Variants in BACH2 observed in about 807,000 individuals in gnomAD.
The protein encoded by BACH2 is transcription regulator protein BACH2.
In BACH2, 5 loss-of-function variants were observed where a neutral mutation model predicts 61.8. The observed-to-expected ratio is 0.08, with a 90% CI of 0.04 to 0.17. The LOEUF (loss-of-function observed/expected upper bound fraction) is 0.17, where lower values mean the gene tolerates loss of function less well. Among genes scored for constraint, BACH2 ranks in the 10% least tolerant of loss-of-function variants. The pLI is 1.00. For synonymous variants in BACH2, 446 were observed against 440.1 expected, an observed-to-expected ratio of 1.01 and a Z score of -0.17; for missense variants, 824 against 1,091.1, an observed-to-expected ratio of 0.76 and a Z score of 3.45.
chr6:89,995,428 A>T (rs1267016391), intron 6 of BACH2, among the ~76,000 whole-genome samples: 2 of 152,158 alleles, frequency 1.3e-5, no homozygotes, highest in African/African-American at 4.8e-5. Flanking sequence ...AGCGAAGGGT[A>T]TTGTATTTCA....
chr6:90,005,339 G>C (rs1409447275), intron 6 of BACH2, among the ~76,000 whole-genome samples: 1 of 151,852 alleles, frequency 6.6e-6, no homozygotes, highest in Non-Finnish European at 1.5e-5. Context: ...ATGTGACTAA[G>C]AGGAGGGCAG....
In BACH2 at chr6:89,951,343, T is replaced by C; in HGVS notation, c.763A>G (p.Ser255Gly). ...ASSHSTSGFA[S>G]TFREDNSSNS... is the part of the protein sequence containing the mutation. ...CTAGAGTTATCTTCCCGGAATGTGCTTGCAAAACCTGAGGTACTGTGTGAT... is the reference window on the plus strand; with the variant it reads ...CTAGAGTTATCTTCCCGGAATGTGCCTGCAAAACCTGAGGTACTGTGTGAT... The change falls in exon 7 of 9, where the codon AGC becomes GGC. Residue 255 changes from serine to glycine, a missense_variant. By Grantham distance (56) the Ser-to-Gly change is moderately conservative. Transcript: ENST00000257749. This position sits in a 1 kb window ranked among gnomAD's most constrained non-coding sequence, Gnocchi z 6.4. 1 of 1,614,238 alleles carries C rather than the reference T, an allele frequency of 6.2e-7. No homozygotes were observed. The highest frequency in any genetic ancestry group is 8.5e-7 in the Non-Finnish European group (1 of 1,180,042).
chr6:90,253,725 C>T (rs774300496), intron 2 of BACH2, among the ~76,000 whole-genome samples: 2 of 152,104 alleles, frequency 1.3e-5, no homozygotes, highest in Non-Finnish European at 2.9e-5. Context: ...TAATATACCT[C>T]GTGGAAGAAT....
intron 5 of BACH2, among the ~76,000 whole-genome samples, chr6:90,016,381 C>T (rs946242245): frequency 6.6e-6 from 1 of 152,022 alleles, no homozygotes; most frequent in African/African-American, 2.4e-5. Flanking sequence ...TTTTATGATT[C>T]AATTTCATTT....
At chr6:90,128,307 G>A (rs1461827072) in intron 4 of BACH2, among the ~76,000 whole-genome samples, 1 of 152,160 alleles carries the variant, frequency 6.6e-6, no homozygotes, top group East Asian at 1.9e-4. Flanking sequence ...TATAGGCCAG[G>A]CGCCGTGGCT....
At chr6:90,187,855 A>G (rs1029217443) in intron 4 of BACH2, among the ~76,000 whole-genome samples, 2 of 152,242 alleles carry the variant, frequency 1.3e-5, no homozygotes, top group African/African-American at 4.8e-5. Context: ...TTTTAAGTAC[A>G]TTTTAGATAG....
intron 3 of BACH2, among the ~76,000 whole-genome samples, chr6:90,245,968 G>T (rs1182672113): frequency 6.6e-6 from 1 of 152,182 alleles, no homozygotes; most frequent in African/African-American, 2.4e-5. Flanking sequence ...AGCACAAAGG[G>T]GTGGAAAGGA....
intron 1 of BACH2, among the ~76,000 whole-genome samples, chr6:90,296,171 C>G (rs908741254): frequency 6.6e-6 from 1 of 152,118 alleles, no homozygotes; most frequent in East Asian, 1.9e-4. Flanking sequence ...CCTCCCTCTG[C>G]TGTTCCAAAA....
At chr6:90,138,480 C>CA (rs1258981416) in intron 4 of BACH2, among the ~76,000 whole-genome samples, 12 of 151,832 alleles carry the variant, frequency 7.9e-5, no homozygotes, top group Admixed American at 4.6e-4. Context: ...GCCTGGGTGA[C>CA]AGAGTGAGAT....
At chr6:90,177,012 TTAATA>T (rs1768004643) in intron 4 of BACH2, among the ~76,000 whole-genome samples, 1 of 152,180 alleles carries the variant, frequency 6.6e-6, no homozygotes, top group Admixed American at 6.5e-5. Context: ...ATATGTTAAT[TTAATA>T]TGTTAATATT....
In BACH2 at chr6:90,265,906, T is replaced by C. The variant is rs920343268; in HGVS notation, c.-353+5943A>G. The stretch of plus-strand genomic sequence containing the variant: ...CATGGTACTGTAACAGTGCTCTCTA[T>C]ACATTATCCCATGTAACTATCTCTA... On this transcript the variant is annotated intron_variant, in intron 2 of 8. Transcript: ENST00000257749. Among the ~76,000 whole-genome samples the C allele has an allele frequency of 3.7e-4, 56 of 152,350 alleles. 1 individual carries two copies. Among genetic ancestry groups the C allele is most frequent in the African/African-American group, 1.3e-3 (55 of 41,578 alleles).
Position 89,951,951 on chromosome 6 carries a change from G to A in BACH2, c.244-89C>T. ...AACTGAAGCAAGATAACCAGACAGT[G>A]CTAATGTCCCAGAATAAAGACTGCA... On this transcript the variant is annotated intron_variant, in intron 6 of 8. Transcript: ENST00000257749. The surrounding 1 kb of genome is among the most constrained non-coding windows in gnomAD (Gnocchi z 6.4). 1.4e-6 allele frequency: 2 copies of A among 1,449,862 alleles called. No individual in the cohort carries two copies. Among genetic ancestry groups the A allele is most frequent in the East Asian group, 2.3e-5 (1 of 43,276 alleles). 89.8% of individuals were successfully genotyped at this position (1,449,862 alleles called of 1,614,324 possible). A position where few individuals can be genotyped will look rare whatever the true frequency, so the allele number is the denominator to read the frequency against.
chr6:90,170,894 T>C (rs1723580315), intron 4 of BACH2, among the ~76,000 whole-genome samples: 1 of 152,028 alleles, frequency 6.6e-6, no homozygotes. Context: ...AATTAGAACC[T>C]AGAGAAGTAA....
chr6:89,950,062 C>G lies in BACH2; in HGVS notation c.1836+208G>C, dbSNP rs936769581. ...GCTTGTCGAGTATTGAGATCCAGATCAAATATCAAGTGCTTTTCTAGGACA... is the reference window on the plus strand; with the variant it reads ...GCTTGTCGAGTATTGAGATCCAGATGAAATATCAAGTGCTTTTCTAGGACA... On this transcript the variant is annotated intron_variant, in intron 7 of 8. Coordinates refer to ENST00000257749, the MANE Select transcript of BACH2 (RefSeq NM_021813.4). This position sits in a 1 kb window ranked among gnomAD's most constrained non-coding sequence, Gnocchi z 5.3. The G allele has an allele frequency of 4.8e-6, 3 of 626,270 alleles. No homozygotes were observed. Among genetic ancestry groups the G allele is most frequent in the African/African-American group, 3.7e-5 (2 of 54,666 alleles). 38.8% of individuals were successfully genotyped at this position (626,270 alleles called of 1,614,324 possible). A position where few individuals can be genotyped will look rare whatever the true frequency, so the allele number is the denominator to read the frequency against.
At chr6:89,942,943 T>C (rs988000254) in intron 7 of BACH2, among the ~76,000 whole-genome samples, 3 of 152,182 alleles carry the variant, frequency 2.0e-5, no homozygotes, top group Non-Finnish European at 2.9e-5. Context: ...AGCACGGCTA[T>C]AGGAGGGTTA....
intron 4 of BACH2, among the ~76,000 whole-genome samples, chr6:90,147,065 G>A (rs2474617): frequency 0.11 from 16,490 of 151,928 alleles, 2,192 homozygotes; most frequent in African/African-American, 0.31. Context: ...GAAACAGTAA[G>A]TACCAAACCC....
In BACH2 at chr6:89,950,789, G is replaced by A. The variant is rs1774041311; in HGVS notation, c.1317C>T (p.Asp439=). 3 of 1,614,046 alleles carry A rather than the reference G, an allele frequency of 1.9e-6. No individual in the cohort carries two copies. In the Admixed American group the frequency reaches 5.0e-5, roughly 27 times the overall value. The change falls in exon 7 of 9, where the codon GAC becomes GAT. Residue 439 remains aspartate (D), a synonymous_variant. Coordinates refer to ENST00000257749, the MANE Select transcript of BACH2 (RefSeq NM_021813.4). This position sits in a 1 kb window ranked among gnomAD's most constrained non-coding sequence, Gnocchi z 5.3. ...AAGAATGCACCGAGGTGCTCACTTG[G>A]TCACAAGCGCTGGAGGAGAAGATCA... ...RSVIFSSSAC[D]QVSTSVHSYS...
intron 1 of BACH2, among the ~76,000 whole-genome samples, chr6:90,291,046 A>G (rs1339984518): frequency 2.0e-5 from 3 of 152,214 alleles, no homozygotes; most frequent in African/African-American, 2.4e-5. Flanking sequence ...CATGTCCTAC[A>G]GCCTTCAGGA....
Position 90,273,378 on chromosome 6 carries a change from G to C in BACH2, c.-445-1437C>G, listed in dbSNP as rs181427072. The stretch of plus-strand genomic sequence containing the variant: ...GTTTCTAAAAAAAGTGGGGGCAGGA[G>C]GGACTTGATAATATCTCCTGCAAAG... On this transcript the variant is annotated intron_variant, in intron 1 of 8. Transcript: ENST00000257749. Among the ~76,000 whole-genome samples, 242 of 152,202 alleles carry C rather than the reference G, an allele frequency of 1.6e-3. 1 individual carries two copies. Among genetic ancestry groups the C allele is most frequent in the Non-Finnish European group, 2.2e-4 (15 of 68,008 alleles).
Sources: allele counts gnomAD v4.1 joint callset (sites outside exome capture counted in the v4.1 genomes callset), GRCh38; gene constraint gnomAD v4.1.1; non-coding constraint Gnocchi (gnomAD v3.1); transcripts MANE v1.5; gene names NCBI Gene and HGNC (gene_info 2026-07-23, HGNC 2026-07-21).